TSHZ2: variants seen among roughly 807,000 people sequenced by gnomAD.
The protein encoded by TSHZ2 is teashirt zinc finger homeobox 2.
A neutral mutation model predicts 74.4 loss-of-function variants in TSHZ2; 21 were observed. That is an observed-to-expected ratio of 0.28 (90% CI 0.20 to 0.41). The LOEUF (loss-of-function observed/expected upper bound fraction) is 0.41. Among genes scored for constraint, TSHZ2 ranks in the 10% least tolerant of loss-of-function variants. The probability of loss-of-function intolerance (pLI) is 1.00; values close to 1 mark genes in which losing one functional copy is unlikely to be tolerated. For missense variants in TSHZ2, 1,244 were observed against 1,293.5 expected, an observed-to-expected ratio of 0.96 and a Z score of 0.59; for synonymous variants, 540 against 515.3, an observed-to-expected ratio of 1.05 and a Z score of -0.65.
chr20:53,261,690 A>G (rs893126733), intron 2 of TSHZ2, among the ~76,000 whole-genome samples: 2 of 152,218 alleles, frequency 1.3e-5, no homozygotes, highest in African/African-American at 4.8e-5. Flanking sequence ...TGGTGCTTTA[A>G]TATAGAGTAA....
chr20:53,095,785 T>G (rs6022276), intron 1 of TSHZ2, among the ~76,000 whole-genome samples: 1 of 151,896 alleles, frequency 6.6e-6, no homozygotes, highest in Non-Finnish European at 1.5e-5. Flanking sequence ...CAGTTCTGAC[T>G]ACCAAAAATG....
intron 1 of TSHZ2, among the ~76,000 whole-genome samples, chr20:53,092,437 A>T (rs1438830501): frequency 6.6e-6 from 1 of 152,176 alleles, no homozygotes; most frequent in South Asian, 2.1e-4. Flanking sequence ...CTGTTTGACA[A>T]AGAAGCTGTG....
intron 1 of TSHZ2, among the ~76,000 whole-genome samples, chr20:53,012,918 C>A (rs1982907276): frequency 6.6e-6 from 1 of 152,090 alleles, no homozygotes; most frequent in African/African-American, 2.4e-5. Context: ...GAAATTAGCT[C>A]CAGGTTGCTC....
intron 1 of TSHZ2, among the ~76,000 whole-genome samples, chr20:53,011,103 G>A (rs1282498230): frequency 2.6e-5 from 4 of 152,186 alleles, no homozygotes; most frequent in Non-Finnish European, 4.4e-5. Flanking sequence ...TGCCTTTTAT[G>A]TAACTCAGGG....
At chr20:53,385,731 A>C (rs1239433249) in intron 2 of TSHZ2, among the ~76,000 whole-genome samples, 1 of 152,156 alleles carries the variant, frequency 6.6e-6, no homozygotes, top group East Asian at 1.9e-4. Context: ...TCATTCCATC[A>C]ATTTGATTTA....
intron 1 of TSHZ2, among the ~76,000 whole-genome samples, chr20:53,188,632 T>C (rs1988659191): frequency 6.6e-6 from 1 of 152,190 alleles, no homozygotes; most frequent in Non-Finnish European, 1.5e-5. Flanking sequence ...TGCTAGTCCA[T>C]AGAAGAAATA....
At chr20:53,302,275 A>C (rs1222409154) in intron 2 of TSHZ2, among the ~76,000 whole-genome samples, 2 of 152,192 alleles carry the variant, frequency 1.3e-5, no homozygotes, top group Admixed American at 6.5e-5. Context: ...CGATGTTAGC[A>C]AAGCGTTGAG....
At position 53,300,410 on chromosome 20, in the gene TSHZ2, C is replaced by T. The variant is rs550284999; in HGVS notation, c.*8+43839C>T. Among the ~76,000 whole-genome samples, 11 of 152,272 alleles carry T rather than the reference C, an allele frequency of 7.2e-5. No homozygotes were observed. The South Asian group carries it at 1.7e-3, about 23-fold the overall frequency. On this transcript the variant is annotated intron_variant, in intron 2 of 2. Transcript: ENST00000371497. ...CTGTTCAAGTTCCTTTTCATTTTCCCGCCCTAATGGTAGTTGCTCAAACTT... is the reference window on the plus strand; with the variant it reads ...CTGTTCAAGTTCCTTTTCATTTTCCTGCCCTAATGGTAGTTGCTCAAACTT...
chr20:53,064,659 A>G (rs1984920711), intron 1 of TSHZ2, among the ~76,000 whole-genome samples: 1 of 137,820 alleles, frequency 7.3e-6, no homozygotes, highest in Non-Finnish European at 1.5e-5. Context: ...ATAACTTTTT[A>G]AATAAATAAA....
chr20:53,402,492 G>A (rs1982704515), intron 2 of TSHZ2, among the ~76,000 whole-genome samples: 1 of 152,158 alleles, frequency 6.6e-6, no homozygotes. Context: ...GGTTTGTGTA[G>A]TATGCTCCCT....
chr20:53,412,002 T>TTTTC (rs947586434), intron 2 of TSHZ2, among the ~76,000 whole-genome samples: 14 of 152,170 alleles, frequency 9.2e-5, no homozygotes, highest in Non-Finnish European at 1.8e-4. Flanking sequence ...CAAAGCATCA[T>TTTTC]TTTCTTTCTT....
At chr20:53,094,187 A>G (rs780888566) in intron 1 of TSHZ2, among the ~76,000 whole-genome samples, 11 of 152,222 alleles carry the variant, frequency 7.2e-5, no homozygotes, top group African/African-American at 2.7e-4. Flanking sequence ...CCTGCAAATC[A>G]GGAAATATTT....
chr20:53,305,948 G>A (rs1996019), intron 2 of TSHZ2, among the ~76,000 whole-genome samples: 101,440 of 150,744 alleles, frequency 0.67, 35,018 homozygotes, highest in African/African-American at 0.82. Context: ...ACTACACTCC[G>A]GCCTGGGCAG....
intron 2 of TSHZ2, among the ~76,000 whole-genome samples, chr20:53,319,110 C>G (rs1167492183): frequency 2.6e-5 from 4 of 152,166 alleles, no homozygotes; most frequent in African/African-American, 9.7e-5. Context: ...ATTATGGGAG[C>G]TACAATTCAA....
At chr20:53,356,948 T>C (rs1980868409) in intron 2 of TSHZ2, among the ~76,000 whole-genome samples, 1 of 152,124 alleles carries the variant, frequency 6.6e-6, no homozygotes, top group East Asian at 1.9e-4. Context: ...TTCTTTAGTG[T>C]GTGTGAATGT....
At chr20:52,979,487 A>G (rs1600626925) in intron 1 of TSHZ2, among the ~76,000 whole-genome samples, 1 of 152,238 alleles carries the variant, frequency 6.6e-6, no homozygotes, top group Admixed American at 6.5e-5. Context: ...GTCCAAGGGT[A>G]TCAGACTGAG....
intron 2 of TSHZ2, among the ~76,000 whole-genome samples, chr20:53,263,884 A>C (rs1990655019): frequency 6.6e-6 from 1 of 152,098 alleles, no homozygotes; most frequent in East Asian, 1.9e-4. Context: ...TACTCAGAGG[A>C]GGGGGGCAGG....
At chr20:53,288,372 C>T (rs1027471781) in intron 2 of TSHZ2, among the ~76,000 whole-genome samples, 13 of 148,702 alleles carry the variant, frequency 8.7e-5, no homozygotes, top group Non-Finnish European at 1.9e-4. Context: ...CCACTGCACA[C>T]TGCACTCCAG....
At chr20:53,029,172 T>C (rs1055424408) in intron 1 of TSHZ2, among the ~76,000 whole-genome samples, 4 of 152,212 alleles carry the variant, frequency 2.6e-5, no homozygotes, top group African/African-American at 7.2e-5. Context: ...ACACCTGCCA[T>C]CTGCAGTAGC....
Sources: allele counts gnomAD v4.1 joint callset (sites outside exome capture counted in the v4.1 genomes callset), GRCh38; gene constraint gnomAD v4.1.1; transcripts MANE v1.5; gene names NCBI Gene and HGNC (gene_info 2026-07-23, HGNC 2026-07-21).